The following ACLY variants were observed in gnomAD, a reference collection of about 807,000 sequenced individuals.
ACLY encodes the protein ATP citrate lyase.
Under a neutral mutation model 133.0 loss-of-function variants are expected in ACLY, and 41 were observed. The observed-to-expected ratio is 0.31, with a 90% CI of 0.24 to 0.40. The LOEUF is 0.40. Ranked by LOEUF, ACLY falls within the 10% of genes least tolerant of loss-of-function variation. The pLI is 1.00. For missense variants in ACLY, 1,046 were observed against 1,453.8 expected, an observed-to-expected ratio of 0.72 and a Z score of 4.56; for synonymous variants, 495 against 549.3, an observed-to-expected ratio of 0.90 and a Z score of 1.38.
rs1555627657 is a variant in ACLY at position 41,883,192 on chromosome 17, T to C, written c.2195A>G (p.Lys732Arg). 1.2e-6 allele frequency: 2 copies of C among 1,614,054 alleles called. No homozygotes were observed. Among genetic ancestry groups the C allele is most frequent in the East Asian group, 2.2e-5 (1 of 44,876 alleles). Residue 732 changes from lysine (K) to arginine (R), a missense_variant, in exon 20 of 29, where the codon AAG (lysine) becomes AGG (arginine). Lys to Arg is a conservative substitution (Grantham distance 26). This residue lies in a region of ACLY where 575 missense variants were observed against 804.2 expected (regional missense o/e 0.71). Coordinates refer to ENST00000352035, the MANE Select transcript of ACLY (RefSeq NM_001096.3). ...TEEYKICRGI[K>R]EGRLTKPIVC... ...GATGGGCTTAGTGAGGCGGCCCTCC[T>C]TGATGCCCCGGCAAATCTTATATTC...
At chr17:41,885,882 C>G (rs1256961795) in intron 18 of ACLY, among the ~76,000 whole-genome samples, 1 of 152,220 alleles carries the variant, frequency 6.6e-6, no homozygotes, top group African/African-American at 2.4e-5. Context: ...ACAGAATTAT[C>G]CCCAAAGCCC....
At chr17:41,921,233 G>A (rs1429115475), upstream of ACLY, among the ~76,000 whole-genome samples, 1 of 152,158 alleles carries the variant, frequency 6.6e-6, no homozygotes, top group Admixed American at 6.5e-5. Context: ...AGGAGGCAGA[G>A]GTTGCAGTGA....
chr17:41,913,676 G>A (rs377574300), intron 2 of ACLY, 39 bp downstream of exon 2: 111 of 1,604,662 alleles, frequency 6.9e-5, no homozygotes, highest in Admixed American at 1.3e-4. Flanking sequence ...CTCAGACCCC[G>A]GGCCTGGAAG....
intron 22 of ACLY, among the ~76,000 whole-genome samples, chr17:41,875,269 G>C (rs1240262015): frequency 6.7e-6 from 1 of 149,592 alleles, no homozygotes; most frequent in African/African-American, 2.5e-5. Context: ...AGAATCGCTT[G>C]AATCTGGGAG....
intron 23 of ACLY, 25 bp downstream of exon 23, chr17:41,873,786 G>A: frequency 2.0e-6 from 3 of 1,533,596 alleles, no homozygotes; most frequent in African/African-American, 2.8e-5. Flanking sequence ...GCAGGGCCCT[G>A]TAATCTTCTG....
chr17:41,900,386 A>G (rs111331429), intron 11 of ACLY, among the ~76,000 whole-genome samples: 124 of 30,944 alleles, frequency 4.0e-3, no homozygotes, highest in African/African-American at 7.9e-3. Context: ...AAGAAAAAAA[A>G]GAAAAAAAAT....
chr17:41,904,593 CCT>C (rs1338383751), intron 10 of ACLY, 134 bp downstream of exon 10: 1 of 775,570 alleles, frequency 1.3e-6, no homozygotes, highest in Non-Finnish European at 2.2e-6. Flanking sequence ...TTTAAGAGAC[CCT>C]GGGGCAAGAG....
At chr17:41,890,306 A>G (rs2049168597) in intron 16 of ACLY, among the ~76,000 whole-genome samples, 1 of 152,056 alleles carries the variant, frequency 6.6e-6, no homozygotes, top group African/African-American at 2.4e-5. Context: ...AAACTGTTCT[A>G]TAATAAATAT....
chr17:41,905,584 T>C lies in ACLY; in HGVS notation c.941A>G (p.Gln314Arg). The C allele has an allele frequency of 1.2e-6, 2 of 1,614,190 alleles. No homozygotes were observed. The highest frequency in any genetic ancestry group is 8.5e-7 in the Non-Finnish European group (1 of 1,180,028). The change falls in exon 9 of 29, where the codon CAG becomes CGG. Residue 314 changes from glutamine (Q) to arginine (R), a missense_variant. By Grantham distance (43) the Gln-to-Arg change is conservative. Coordinates refer to ENST00000352035, the MANE Select transcript of ACLY (RefSeq NM_001096.3). ...YGEYSGAPSE[Q>R]QTYDYAKTIL... ...AGTCTTGGCATAGTCATAGGTCTGC[T>C]GCTCGCTGGGGGCGCCTGAGTACTC...
At chr17:41,910,099 A>G (rs2049854218) in intron 4 of ACLY, 123 bp downstream of exon 4, 2 of 971,342 alleles carry the variant, frequency 2.1e-6, no homozygotes, top group Admixed American at 5.1e-5. Context: ...TCCTCAGTGC[A>G]GCTTCAGGGA....
At chr17:41,889,554 A>AAAAAG (rs2049149432) in intron 16 of ACLY, among the ~76,000 whole-genome samples, 1 of 150,024 alleles carries the variant, frequency 6.7e-6, no homozygotes, top group Non-Finnish European at 1.5e-5. Flanking sequence ...AAAAAAAAAA[A>AAAAAG]AAGAAGTAGC....
intron 9 of ACLY, among the ~76,000 whole-genome samples, chr17:41,905,070 G>A (rs1343129554): frequency 2.6e-5 from 4 of 152,094 alleles, no homozygotes; most frequent in Non-Finnish European, 4.4e-5. Flanking sequence ...AGATATCTCT[G>A]GAGGGAATCT....
rs1376383780 is a variant in ACLY at position 41,912,617 on chromosome 17, G to A, written c.160-75C>T. On this transcript the variant is annotated intron_variant, in intron 2 of 28. Coordinates refer to ENST00000352035, the MANE Select transcript of ACLY (RefSeq NM_001096.3). Reference sequence around the variant, plus strand: ...GTAGTATTTTGGGGATCCAAATAGAGGACAGCAGGGATTGACTTCCCATTC... The same window carrying A: ...GTAGTATTTTGGGGATCCAAATAGAAGACAGCAGGGATTGACTTCCCATTC... The A allele has an allele frequency of 5.8e-6, 9 of 1,562,934 alleles. No homozygotes were observed. In the African/African-American group the frequency reaches 8.1e-5, roughly 14 times the overall value.
At chr17:41,874,170 G>A (rs1030632789) in intron 22 of ACLY, among the ~76,000 whole-genome samples, 1 of 152,206 alleles carries the variant, frequency 6.6e-6, no homozygotes, top group African/African-American at 2.4e-5. Flanking sequence ...GAAAACAGGA[G>A]GACCCATGAC....
At chr17:41,899,692 T>C (rs2049473312) in intron 11 of ACLY, among the ~76,000 whole-genome samples, 1 of 152,120 alleles carries the variant, frequency 6.6e-6, no homozygotes, top group African/African-American at 2.4e-5. Flanking sequence ...ATCTGGTAAC[T>C]TCACTGTGCT....
intron 22 of ACLY, among the ~76,000 whole-genome samples, chr17:41,874,533 C>G (rs1156565932): frequency 6.7e-6 from 1 of 150,300 alleles, no homozygotes; most frequent in East Asian, 2.0e-4. Context: ...TCAGCCTCCC[C>G]AAGTGCTGGG....
chr17:41,920,603 A>G (rs2050166831), upstream of ACLY, among the ~76,000 whole-genome samples: 1 of 151,512 alleles, frequency 6.6e-6, no homozygotes, highest in Non-Finnish European at 1.5e-5. Flanking sequence ...AAAAAAAAAA[A>G]AAAAAAAAAA....
At chr17:41,882,901 G>C (rs1439265220) in intron 20 of ACLY, among the ~76,000 whole-genome samples, 2 of 152,178 alleles carry the variant, frequency 1.3e-5, no homozygotes, top group Non-Finnish European at 2.9e-5. Context: ...GGGACTCAGA[G>C]CCTGACTGTA....
chr17:41,885,100 G>C (rs986962174), intron 18 of ACLY, among the ~76,000 whole-genome samples: 3 of 151,888 alleles, frequency 2.0e-5, no homozygotes, highest in African/African-American at 7.3e-5. Flanking sequence ...AGCTAGTCTC[G>C]AATTTCTGGG....
Sources: gnomAD v4.1 joint callset for allele counts (sites outside exome capture counted in the v4.1 genomes callset) on GRCh38, gnomAD v4.1.1 for gene constraint, gnomAD v4.1.1 regional missense constraint, MANE v1.5 for transcripts, NCBI Gene and HGNC (gene_info 2026-07-23, HGNC 2026-07-21) for gene names.